The following GRK4 variants were observed in gnomAD, a reference collection of about 807,000 sequenced individuals.
The protein encoded by GRK4 is G protein-coupled receptor kinase 4.
Under a neutral mutation model 77.9 loss-of-function variants are expected in GRK4, and 73 were observed. The ratio of observed to expected loss-of-function variants is 0.94; its 90% CI spans 0.78 to 1.14. GRK4 has a LOEUF of 1.14. Ranked by LOEUF, GRK4 falls within the 50% of genes most tolerant of loss-of-function variation. The pLI, the probability that GRK4 is intolerant of heterozygous loss-of-function variation, is 0.00. For synonymous variants in GRK4, 257 were observed against 254.4 expected (o/e 1.01, Z -0.10); for missense variants, 729 against 700.2 (o/e 1.04, Z -0.46).
Position 3,035,402 on chromosome 4 carries a change from C to T in GRK4, c.1286C>T (p.Pro429Leu), listed in dbSNP as rs756529368. The change falls in exon 13 of 16, where the codon CCA becomes CTA. Residue 429 changes from proline (P) to leucine (L), a missense_variant. By Grantham distance (98) the Pro-to-Leu change is moderately conservative. Coordinates refer to ENST00000398052, the MANE Select transcript of GRK4 (RefSeq NM_182982.3). ...SICRMLLTKN[P>L]SKRLGCRGEG... ...CTCTTGCAGTTACTCACCAAGAATC[C>T]AAGCAAGCGGCTGGGCTGCAGGGGC... 6.2e-7 allele frequency: 1 copy of T among 1,613,928 alleles called. No individual in the cohort carries two copies. The highest frequency in any genetic ancestry group is 1.1e-5 in the South Asian group (1 of 91,062).
intron 4 of GRK4, among the ~76,000 whole-genome samples, chr4:2,993,163 G>A (rs1320086214): frequency 2.0e-5 from 3 of 152,090 alleles, no homozygotes; most frequent in Non-Finnish European, 4.4e-5. Context: ...TGTCTCTCTT[G>A]GACTAAAAAT....
At chr4:3,012,143 A>G (rs989072062) in intron 7 of GRK4, among the ~76,000 whole-genome samples, 1 of 152,216 alleles carries the variant, frequency 6.6e-6, no homozygotes, top group Non-Finnish European at 1.5e-5. Flanking sequence ...TGCCCATTCC[A>G]CTTAGAATAA....
chr4:2,968,860 C>G (rs1324396003), intron 1 of GRK4, among the ~76,000 whole-genome samples: 1 of 152,118 alleles, frequency 6.6e-6, no homozygotes, highest in East Asian at 1.9e-4. Context: ...TTTTATTTAT[C>G]TGATTTTGCC....
At chr4:3,031,389 C>A (rs1278821305) in intron 12 of GRK4, among the ~76,000 whole-genome samples, 4 of 152,160 alleles carry the variant, frequency 2.6e-5, no homozygotes, top group African/African-American at 4.8e-5. Flanking sequence ...CATCAAGAGC[C>A]CATGCGGACC....
chr4:2,988,145 G>T (rs1004867869), intron 2 of GRK4, among the ~76,000 whole-genome samples: 36 of 147,172 alleles, frequency 2.4e-4, no homozygotes, highest in Non-Finnish European at 4.5e-4. Flanking sequence ...TTTGAGGAAC[G>T]CCAGACTCTT....
intron 10 of GRK4, among the ~76,000 whole-genome samples, chr4:3,026,627 G>A (rs990746754): frequency 1.4e-4 from 21 of 152,198 alleles, no homozygotes; most frequent in Admixed American, 1.3e-3. Context: ...TACAAGGGGA[G>A]GAAACTGAGA....
chr4:3,022,188 T>C (rs1736271267), intron 9 of GRK4, among the ~76,000 whole-genome samples: 1 of 152,284 alleles, frequency 6.6e-6, no homozygotes, highest in Admixed American at 6.5e-5. Context: ...TCTTCAAATC[T>C]GTATAACTAT....
intron 13 of GRK4, among the ~76,000 whole-genome samples, chr4:3,037,084 T>C (rs1302527218): frequency 2.5e-5 from 1 of 39,884 alleles, no homozygotes; most frequent in Non-Finnish European, 4.6e-5. Flanking sequence ...TGTGTGTGTA[T>C]GTGTGTGTGT....
chr4:3,011,505 A>C (rs907323327), intron 7 of GRK4, among the ~76,000 whole-genome samples: 5 of 152,208 alleles, frequency 3.3e-5, no homozygotes, highest in Non-Finnish European at 5.9e-5. Context: ...TTTTTAACAG[A>C]TTTACTTGGG....
Position 3,035,474 on chromosome 4 carries a change from A to C in GRK4, c.1358A>C (p.Asn453Thr). 10 of 1,614,068 alleles carry C rather than the reference A, an allele frequency of 6.2e-6. No homozygotes were observed. The highest frequency in any genetic ancestry group is 1.7e-5 in the Admixed American group (1 of 60,014). The change falls in exon 13 of 16, where the codon AAC (asparagine) becomes ACC (threonine). Residue 453 changes from asparagine (N) to threonine (T), a missense_variant. By Grantham distance (65) the Asn-to-Thr change is moderately conservative. Coordinates refer to ENST00000398052, the MANE Select transcript of GRK4 (RefSeq NM_182982.3). The stretch of plus-strand genomic sequence containing the variant: ...CAGCACCCCGTGTTCAAGGACATCA[A>C]CTTCAGGAGGCTGGAGGCAAACATG... Reference protein sequence around the residue: ...VKQHPVFKDINFRRLEANMLE... With the variant: ...VKQHPVFKDITFRRLEANMLE...
At chr4:2,971,854 A>G (rs1010009546) in intron 1 of GRK4, among the ~76,000 whole-genome samples, 3 of 152,084 alleles carry the variant, frequency 2.0e-5, no homozygotes, top group Non-Finnish European at 2.9e-5. Flanking sequence ...CTTCATCTTC[A>G]CGTGGCGTGC....
intron 8 of GRK4, among the ~76,000 whole-genome samples, chr4:3,015,107 T>A (rs1734057134): frequency 6.6e-6 from 1 of 152,200 alleles, no homozygotes; most frequent in East Asian, 1.9e-4. Flanking sequence ...TTGGGCGGAC[T>A]GGTATGAGCT....
At chr4:3,017,947 A>G (rs560378258) in intron 8 of GRK4, among the ~76,000 whole-genome samples, 2 of 152,334 alleles carry the variant, frequency 1.3e-5, no homozygotes, top group African/African-American at 2.4e-5. Flanking sequence ...ATTTCAATTC[A>G]ACATGATATT....
At position 3,004,309 on chromosome 4, in the gene GRK4, A is replaced by G; in HGVS notation, c.418A>G (p.Lys140Glu). ...GGGACTGAAGGAGGAGAACCCTTCC[A>G]AAAAAGCCTTTGAGGAATGTACTAG... ...RLGLKEENPS[K>E]KAFEECTRVA... Residue 140 changes from lysine to glutamate, a missense_variant, in exon 5 of 16, where the codon AAA becomes GAA. Coordinates refer to ENST00000398052, the MANE Select transcript of GRK4 (RefSeq NM_182982.3). 1 of 1,611,792 alleles carries G rather than the reference A, an allele frequency of 6.2e-7. No homozygotes were observed. The highest frequency in any genetic ancestry group is 8.5e-7 in the Non-Finnish European group (1 of 1,177,960).
intron 1 of GRK4, among the ~76,000 whole-genome samples, chr4:2,974,090 G>C: frequency 6.6e-6 from 1 of 152,160 alleles, no homozygotes; most frequent in East Asian, 1.9e-4. Flanking sequence ...GCTCAAGCGA[G>C]CCCACCTAAG....
chr4:3,037,518 C>T lies in GRK4; in HGVS notation c.1545+7C>T, dbSNP rs753743700. ...CATCCCCTGGCAGAATGAGGTACTGCCCTTCCAGCACAGCCGCTTTACGTT... is the reference window on the plus strand; with the variant it reads ...CATCCCCTGGCAGAATGAGGTACTGTCCTTCCAGCACAGCCGCTTTACGTT... On this transcript the variant is annotated splice_region_variant and intron_variant, in intron 14 of 15. Transcript: ENST00000398052. The T allele has an allele frequency of 6.3e-6, 10 of 1,598,090 alleles. No individual in the cohort carries two copies. Among genetic ancestry groups the T allele is most frequent in the Non-Finnish European group, 8.6e-6 (10 of 1,167,186 alleles).
chr4:3,029,945 G>T (rs146650924), intron 12 of GRK4, among the ~76,000 whole-genome samples: 1 of 152,208 alleles, frequency 6.6e-6, no homozygotes, highest in East Asian at 1.9e-4. Context: ...TTCATGGTTT[G>T]ATTTCTCAAA....
intron 10 of GRK4, among the ~76,000 whole-genome samples, chr4:3,023,658 C>T (rs547052183): frequency 1.1e-4 from 17 of 152,300 alleles, no homozygotes; most frequent in African/African-American, 4.1e-4. Context: ...CCTGACTTAG[C>T]CTGTGGTTCA....
intron 10 of GRK4, among the ~76,000 whole-genome samples, chr4:3,025,754 G>A (rs983025229): frequency 6.6e-6 from 1 of 151,834 alleles, no homozygotes; most frequent in Non-Finnish European, 1.5e-5. Flanking sequence ...AGATAACACC[G>A]CAAAATAGAG....
Sources: gnomAD v4.1 joint callset for allele counts (sites outside exome capture counted in the v4.1 genomes callset) on GRCh38, gnomAD v4.1.1 for gene constraint, MANE v1.5 for transcripts, NCBI Gene and HGNC (gene_info 2026-07-23, HGNC 2026-07-21) for gene names.